Variants in KIAA2012 observed in about 807,000 individuals in gnomAD.
KIAA2012 encodes the protein uncharacterized protein KIAA2012.
Under a neutral mutation model 150.6 loss-of-function variants are expected in KIAA2012, and 125 were observed. The observed-to-expected ratio is 0.83, with a 90% CI of 0.72 to 0.96. KIAA2012 has a LOEUF of 0.96. Among genes scored for constraint, KIAA2012 ranks in the 40% least tolerant of loss-of-function variants. The probability of loss-of-function intolerance (pLI) is 0.00; values close to 1 mark genes in which losing one functional copy is unlikely to be tolerated. For synonymous variants in KIAA2012, 462 were observed against 504.7 expected (o/e 0.92, Z 1.13); for missense variants, 1,219 against 1,354.9 (o/e 0.90, Z 1.57).
intron 15 of KIAA2012, among the ~76,000 whole-genome samples, chr2:202,174,128 G>C (rs1691948569): frequency 6.6e-6 from 1 of 152,082 alleles, no homozygotes; most frequent in Non-Finnish European, 1.5e-5. Context: ...ACCGCACCTG[G>C]CTAATTTTTT....
At chr2:202,137,184 A>T (rs532605083) in intron 12 of KIAA2012, 1 of 152,376 alleles carries the variant, frequency 6.6e-6, no homozygotes, top group East Asian at 1.9e-4. Flanking sequence ...GCTACTTATG[A>T]GTATCAAGTA....
intron 10 of KIAA2012, among the ~76,000 whole-genome samples, chr2:202,110,462 C>T (rs1690317230): frequency 6.6e-6 from 1 of 152,240 alleles, no homozygotes; most frequent in Admixed American, 6.5e-5. Context: ...TGGGAAGGTG[C>T]CACGCTGGAG....
In KIAA2012 at chr2:202,103,028, A is replaced by G. The variant is rs755350994; in HGVS notation, c.1238A>G (p.Asn413Ser). ...CCCCTGAAGAGCCAATTTAAAGCCA[A>G]TGAGCCCCCAACAGAGCTCTTCATC... Reference protein sequence around the residue: ...LEPLKSQFKANEPPTELFILP... With the variant: ...LEPLKSQFKASEPPTELFILP... The change falls in exon 8 of 24, where the codon AAT becomes AGT. Residue 413 changes from asparagine (N) to serine (S), a missense_variant. Asn to Ser is a conservative substitution (Grantham distance 46). Coordinates refer to ENST00000498697, the MANE Select transcript of KIAA2012 (RefSeq NM_001277372.4). 8 of 1,550,434 alleles carry G rather than the reference A, an allele frequency of 5.2e-6. No homozygotes were observed. The highest frequency in any genetic ancestry group is 2.4e-5 in the South Asian group (2 of 84,060).
In KIAA2012 at chr2:202,093,014, C is replaced by T. The variant is rs1345329500; in HGVS notation, c.530-16C>T. On this transcript the variant is annotated splice_polypyrimidine_tract_variant and intron_variant, in intron 3 of 23. Coordinates refer to ENST00000498697, the MANE Select transcript of KIAA2012 (RefSeq NM_001277372.4). ...CTACCACTATTTCTATCAATATCTC[C>T]TGATCTACTCTTCAGGATACATCAA... is the stretch of plus-strand genomic sequence containing the variant. The T allele has an allele frequency of 4.5e-6, 7 of 1,546,356 alleles. No individual in the cohort carries two copies. Among genetic ancestry groups the T allele is most frequent in the Non-Finnish European group, 6.1e-6 (7 of 1,144,404 alleles).
At chr2:202,118,121 G>C (rs146170220) in intron 11 of KIAA2012, among the ~76,000 whole-genome samples, 1 of 152,042 alleles carries the variant, frequency 6.6e-6, no homozygotes, top group Admixed American at 6.5e-5. Context: ...CTAAACATCA[G>C]TTCTGAATCA....
chr2:202,094,023 T>C (rs1352635108), intron 4 of KIAA2012, among the ~76,000 whole-genome samples: 1 of 152,240 alleles, frequency 6.6e-6, no homozygotes, highest in Non-Finnish European at 1.5e-5. Context: ...TGGCTCATTC[T>C]GTAATCTCAA....
intron 14 of KIAA2012, among the ~76,000 whole-genome samples, chr2:202,160,574 A>C (rs1427079204): frequency 6.6e-6 from 1 of 152,068 alleles, no homozygotes; most frequent in Admixed American, 6.6e-5. Flanking sequence ...TGGCCTCCCA[A>C]AGTGCTGGGA....
chr2:202,184,383 CAAAAAAAAA>C (rs5837809), intron 15 of KIAA2012, among the ~76,000 whole-genome samples: 1 of 119,234 alleles, frequency 8.4e-6, no homozygotes, highest in African/African-American at 3.1e-5. Context: ...GACTCCGTCT[CAAAAAAAAA>C]AAAAAAAAGT....
intron 22 of KIAA2012, among the ~76,000 whole-genome samples, chr2:202,200,810 A>G (rs1175778251): frequency 1.4e-5 from 2 of 147,996 alleles, no homozygotes. Flanking sequence ...AGATTCAAGC[A>G]ATTCTCCTGC....
rs1689296784 is a variant in KIAA2012, at chr2:202,075,114, A to G, written c.308A>G (p.Asp103Gly). The G allele has an allele frequency of 6.4e-7, 1 of 1,550,458 alleles. No homozygotes were observed. Among genetic ancestry groups the G allele is most frequent in the African/African-American group, 1.4e-5 (1 of 73,168 alleles). Residue 103 changes from aspartate (D) to glycine (G), a missense_variant, in exon 2 of 24, where the codon GAT becomes GGT. Transcript: ENST00000498697. The part of the protein sequence containing the change: ...YCPRGPWRKL[D>G]LELHTLQDLK... The stretch of plus-strand genomic sequence containing the variant: ...CCCAGAGGTCCCTGGAGGAAGCTGG[A>G]TCTTGAACTGCACACACTTCAAGAC...
At chr2:202,129,246 G>A (rs1425598407) in intron 12 of KIAA2012, among the ~76,000 whole-genome samples, 1 of 146,750 alleles carries the variant, frequency 6.8e-6, no homozygotes, top group Non-Finnish European at 1.5e-5. Flanking sequence ...TTGAGACAGA[G>A]TCTCACTCTA....
intron 15 of KIAA2012, among the ~76,000 whole-genome samples, chr2:202,175,084 A>G (rs1691963743): frequency 6.6e-6 from 1 of 152,210 alleles, no homozygotes; most frequent in Admixed American, 6.5e-5. Context: ...TTGAATTTAT[A>G]AGTTCCCTTC....
At chr2:202,092,206 A>G (rs1370512767) in intron 3 of KIAA2012, among the ~76,000 whole-genome samples, 1 of 152,176 alleles carries the variant, frequency 6.6e-6, no homozygotes, top group Non-Finnish European at 1.5e-5. Context: ...GCTCCTTGCC[A>G]TAATTCCTTG....
At chr2:202,119,896 C>CG (rs1398523748) in intron 11 of KIAA2012, among the ~76,000 whole-genome samples, 2 of 152,126 alleles carry the variant, frequency 1.3e-5, no homozygotes, top group Non-Finnish European at 2.9e-5. Context: ...GGGAGGAACC[C>CG]GGTGGGAGGT....
At chr2:202,090,067 T>C (rs1391683287) in intron 2 of KIAA2012, among the ~76,000 whole-genome samples, 1 of 152,228 alleles carries the variant, frequency 6.6e-6, no homozygotes, top group African/African-American at 2.4e-5. Flanking sequence ...ACACATTTGC[T>C]ATTCTTTTGC....
At position 202,094,815 on chromosome 2, in the gene KIAA2012, G is replaced by C. The variant is rs529542597; in HGVS notation, c.685+1630G>C. ...ATTACAGGCATGAGTCACCGCTCTCGGCCTCAGGGCTTTCATTTTATGGCT... is the reference window on the plus strand; with the variant it reads ...ATTACAGGCATGAGTCACCGCTCTCCGCCTCAGGGCTTTCATTTTATGGCT... On this transcript the variant is annotated intron_variant, in intron 4 of 23. Coordinates refer to ENST00000498697, the MANE Select transcript of KIAA2012 (RefSeq NM_001277372.4). Among the ~76,000 whole-genome samples, 3 of 152,178 alleles carry C rather than the reference G, an allele frequency of 2.0e-5. No individual in the cohort carries two copies. The South Asian group carries it at 6.2e-4, about 32-fold the overall frequency.
At chr2:202,106,784 GGT>G (rs1690207156) in intron 9 of KIAA2012, among the ~76,000 whole-genome samples, 2 of 152,052 alleles carry the variant, frequency 1.3e-5, no homozygotes, top group South Asian at 2.1e-4. Context: ...TATACACATG[GGT>G]GCATCTAAGT....
chr2:202,158,517 C>T (rs771340058), intron 14 of KIAA2012, among the ~76,000 whole-genome samples: 1 of 152,054 alleles, frequency 6.6e-6, no homozygotes, highest in Non-Finnish European at 1.5e-5. Context: ...GTGAACTTCT[C>T]ACATTTTAAG....
chr2:202,113,360 G>A lies in KIAA2012; in HGVS notation c.1676G>A (p.Gly559Glu), dbSNP rs1363384214. 2 of 1,550,760 alleles carry A rather than the reference G, an allele frequency of 1.3e-6. No homozygotes were observed. The highest frequency in any genetic ancestry group is 2.0e-5 in the Admixed American group (1 of 50,992). The change falls in exon 11 of 24, where the codon GGA becomes GAA. Residue 559 changes from glycine (G) to glutamate (E), a missense_variant. Gly to Glu is a moderately conservative substitution (Grantham distance 98). Transcript: ENST00000498697. ...GAAGATTCCAGCGACCCTACACTGGGACACTTCTTGCTGGGTCCAGATGGA... is the reference window on the plus strand; with the variant it reads ...GAAGATTCCAGCGACCCTACACTGGAACACTTCTTGCTGGGTCCAGATGGA... ...AQEDSSDPTL[G>E]HFLLGPDGEK... is the part of the protein sequence containing the mutation.
Sources: allele counts gnomAD v4.1 joint callset (sites outside exome capture counted in the v4.1 genomes callset), GRCh38; gene constraint gnomAD v4.1.1; transcripts MANE v1.5; gene names NCBI Gene and HGNC (gene_info 2026-07-23, HGNC 2026-07-21).